PRRX2: variants seen among roughly 807,000 people sequenced by gnomAD.
The protein encoded by PRRX2 is paired mesoderm homeobox protein 2.
In PRRX2, 11 loss-of-function variants were observed where a neutral mutation model predicts 18.0. The ratio of observed to expected loss-of-function variants is 0.61; its 90% CI spans 0.39 to 1.01. The LOEUF (loss-of-function observed/expected upper bound fraction) is 1.01, where lower values mean the gene tolerates loss of function less well. Ranked by LOEUF, PRRX2 falls within the 50% of genes least tolerant of loss-of-function variation. The probability of loss-of-function intolerance (pLI) is 0.01; values close to 1 mark genes in which losing one functional copy is unlikely to be tolerated. For synonymous variants in PRRX2, 177 were observed against 154.8 expected (o/e 1.14, Z -1.06); for missense variants, 387 against 351.0 (o/e 1.10, Z -0.82).
intron 1 of PRRX2, among the ~76,000 whole-genome samples, chr9:129,700,370 G>A (rs1832479231): frequency 6.8e-6 from 1 of 147,576 alleles, no homozygotes; most frequent in Admixed American, 6.9e-5. Flanking sequence ...ATGAAGCCTC[G>A]CTCTGTCGCC....
chr9:129,700,705 T>C (rs7030217), intron 1 of PRRX2, among the ~76,000 whole-genome samples: 53,391 of 151,738 alleles, frequency 0.35, 10,270 homozygotes, highest in East Asian at 0.57. Flanking sequence ...GTGACCTTCA[T>C]CTCCCGGGCT....
At chr9:129,711,074 C>G (rs1564154294) in intron 1 of PRRX2, among the ~76,000 whole-genome samples, 1 of 152,130 alleles carries the variant, frequency 6.6e-6, no homozygotes, top group Non-Finnish European at 1.5e-5. Context: ...TTCAGCCTCC[C>G]TCCTTTTTGT....
Position 129,707,045 on chromosome 9 carries a change from C to T in PRRX2, c.260-12186C>T, listed in dbSNP as rs572229300. ...CAAAGGCGGGCAGATCACTTGAGGT[C>T]AAGAGTTCGAGATTAGCCTGGCCAA... is the stretch of plus-strand genomic sequence containing the variant. On this transcript the variant is annotated intron_variant, in intron 1 of 3. Transcript: ENST00000372469. Among the ~76,000 whole-genome samples, 132 of 152,266 alleles carry T rather than the reference C, an allele frequency of 8.7e-4. 1 individual carries two copies. The highest frequency in any genetic ancestry group is 3.0e-3 in the African/African-American group (125 of 41,564).
In PRRX2 at chr9:129,671,849, C is replaced by T. The variant is rs1243936146; in HGVS notation, c.259+5723C>T. On this transcript the variant is annotated intron_variant, in intron 1 of 3. Coordinates refer to ENST00000372469, the MANE Select transcript of PRRX2 (RefSeq NM_016307.4). This position sits in a 1 kb window ranked among gnomAD's most constrained non-coding sequence, Gnocchi z 4.0. ...GATCACAAGTCCAGGCCTCCCTCTCCTGCACAGTCCTTGGGCTGGAGGAGT... is the reference window on the plus strand; with the variant it reads ...GATCACAAGTCCAGGCCTCCCTCTCTTGCACAGTCCTTGGGCTGGAGGAGT... Among the ~76,000 whole-genome samples the T allele has an allele frequency of 4.0e-5, 6 of 151,734 alleles. No individual in the cohort carries two copies. Among genetic ancestry groups the T allele is most frequent in the Admixed American group, 2.0e-4 (3 of 15,242 alleles).
intron 1 of PRRX2, among the ~76,000 whole-genome samples, chr9:129,693,104 T>C (rs904739299): frequency 6.6e-5 from 10 of 152,190 alleles, no homozygotes; most frequent in African/African-American, 2.4e-4. Context: ...AGCCGTGTGG[T>C]GGTATCTCAC....
At chr9:129,683,193 C>T (rs1408786769) in intron 1 of PRRX2, among the ~76,000 whole-genome samples, 2 of 150,500 alleles carry the variant, frequency 1.3e-5, no homozygotes, top group Non-Finnish European at 3.0e-5. Flanking sequence ...CATCAGGAAC[C>T]CCTCCTGGGA....
At chr9:129,718,793 C>T (rs536109149) in intron 1 of PRRX2, among the ~76,000 whole-genome samples, 2 of 152,278 alleles carry the variant, frequency 1.3e-5, no homozygotes, top group South Asian at 2.1e-4. Context: ...TACATGTCAG[C>T]AACAGGTGTC....
chr9:129,687,866 T>C (rs1465220227), intron 1 of PRRX2, among the ~76,000 whole-genome samples: 1 of 152,182 alleles, frequency 6.6e-6, no homozygotes, highest in East Asian at 1.9e-4. Flanking sequence ...CTGATGACAG[T>C]AGCCCCCTCG....
intron 1 of PRRX2, among the ~76,000 whole-genome samples, chr9:129,707,530 A>T (rs1306809791): frequency 6.6e-6 from 1 of 152,042 alleles, no homozygotes; most frequent in Admixed American, 6.6e-5. Flanking sequence ...TCACACGTGT[A>T]ATCCCAGTAC....
intron 1 of PRRX2, among the ~76,000 whole-genome samples, chr9:129,700,746 T>C (rs546469575): frequency 6.6e-6 from 1 of 152,156 alleles, no homozygotes; most frequent in Non-Finnish European, 1.5e-5. Flanking sequence ...GCCTCCTGAG[T>C]TGCTGGGACT....
intron 1 of PRRX2, among the ~76,000 whole-genome samples, chr9:129,684,454 ACACACC>A (rs1416656046): frequency 2.1e-4 from 30 of 140,904 alleles, no homozygotes; most frequent in African/African-American, 5.6e-4. Flanking sequence ...ACACACACAC[ACACACC>A]CAACAGAAAA....
chr9:129,701,572 C>A (rs1832497691), intron 1 of PRRX2, among the ~76,000 whole-genome samples: 1 of 152,160 alleles, frequency 6.6e-6, no homozygotes, highest in Non-Finnish European at 1.5e-5. Flanking sequence ...GGAATGGCAC[C>A]CCTGAAGTTG....
chr9:129,693,151 T>TA (rs1254189047), intron 1 of PRRX2, among the ~76,000 whole-genome samples: 1 of 152,188 alleles, frequency 6.6e-6, no homozygotes, highest in Non-Finnish European at 1.5e-5. Flanking sequence ...TGATACAAGA[T>TA]ACGGTGTATC....
intron 1 of PRRX2, among the ~76,000 whole-genome samples, chr9:129,710,940 G>A (rs542552416): frequency 2.0e-5 from 3 of 152,128 alleles, no homozygotes; most frequent in South Asian, 2.1e-4. Context: ...CTCTGTGCCC[G>A]GCCTGACTGT....
chr9:129,694,656 T>C (rs2130920635), intron 1 of PRRX2, among the ~76,000 whole-genome samples: 1 of 152,332 alleles, frequency 6.6e-6, no homozygotes, highest in East Asian at 1.9e-4. Context: ...TTCCACCAAC[T>C]GGCTGTGTGG....
chr9:129,686,432 C>T (rs2130915973), intron 1 of PRRX2, among the ~76,000 whole-genome samples: 1 of 152,312 alleles, frequency 6.6e-6, no homozygotes, highest in South Asian at 2.1e-4. Flanking sequence ...CTGCAGTCTC[C>T]ATGTCCTGGG....
intron 1 of PRRX2, among the ~76,000 whole-genome samples, chr9:129,702,941 C>T (rs1324275384): frequency 2.6e-5 from 4 of 152,316 alleles, no homozygotes; most frequent in Non-Finnish European, 5.9e-5. Context: ...GCAAGGGGGT[C>T]GTTGAGGAAT....
intron 1 of PRRX2, among the ~76,000 whole-genome samples, chr9:129,670,286 G>A (rs1205511916): frequency 6.6e-6 from 1 of 151,912 alleles, no homozygotes; most frequent in African/African-American, 2.4e-5. Flanking sequence ...CGCTGTGGAC[G>A]TGGATGTATA....
At chr9:129,689,506 T>C (rs1200392030) in intron 1 of PRRX2, among the ~76,000 whole-genome samples, 1 of 152,200 alleles carries the variant, frequency 6.6e-6, no homozygotes, top group African/African-American at 2.4e-5. Context: ...GATGTCGCTT[T>C]TGCAGATGAA....
Sources: gnomAD v4.1 joint callset for allele counts (sites outside exome capture counted in the v4.1 genomes callset) on GRCh38, gnomAD v4.1.1 for gene constraint, Gnocchi (gnomAD v3.1) non-coding constraint, MANE v1.5 for transcripts, NCBI Gene and HGNC (gene_info 2026-07-23, HGNC 2026-07-21) for gene names.